PRKG1: variants seen among roughly 807,000 people sequenced by gnomAD.
PRKG1 encodes the protein cGMP-dependent protein kinase 1.
Under a neutral mutation model 88.1 loss-of-function variants are expected in PRKG1, and 35 were observed. The ratio of observed to expected loss-of-function variants is 0.40; its 90% CI spans 0.30 to 0.53. The LOEUF is 0.53. Among genes scored for constraint, PRKG1 ranks in the 20% least tolerant of loss-of-function variants. The pLI is 0.59. For synonymous variants in PRKG1, 303 were observed against 292.5 expected (o/e 1.04, Z -0.37); for missense variants, 540 against 839.8 (o/e 0.64, Z 4.41).
Position 52,072,158 on chromosome 10 carries a change from CTTTTT to C in PRKG1, c.935+9549_935+9553del, listed in dbSNP as rs60576406. 4.3e-4 allele frequency among the ~76,000 whole-genome samples: 17 copies of C among 39,562 alleles called. No individual in the cohort carries two copies. In the Admixed American group the frequency reaches 4.9e-3, roughly 11 times the overall value. The allele number at this position is 39,562 out of a possible 152,430, so 26.0% of individuals were successfully genotyped here. A position where few individuals can be genotyped will look rare whatever the true frequency, so the allele number is the denominator to read the frequency against. On this transcript the variant is annotated intron_variant, in intron 7 of 17. Transcript: ENST00000373980. ...GAGACTCTCAGGGTTTATTGTTTTG[CTTTTT>C]TTTTTTTTTTTTTTTTTTTTTACGT...
chr10:51,882,341 G>A (rs1051195203), intron 4 of PRKG1, among the ~76,000 whole-genome samples: 1 of 152,132 alleles, frequency 6.6e-6, no homozygotes, highest in Admixed American at 6.5e-5. Context: ...TCTCAGACAT[G>A]TCTCATGTGA....
chr10:51,771,521 A>G (rs985791171), intron 3 of PRKG1, among the ~76,000 whole-genome samples: 2 of 152,034 alleles, frequency 1.3e-5, no homozygotes, highest in African/African-American at 4.8e-5. Context: ...CTAATTTCCT[A>G]TCTAATTCTT....
At chr10:51,147,724 C>A (rs1043765515) in intron 1 of PRKG1, among the ~76,000 whole-genome samples, 2 of 152,080 alleles carry the variant, frequency 1.3e-5, no homozygotes, top group African/African-American at 4.8e-5. Flanking sequence ...CCAGTGATTC[C>A]TTTGTTTTGT....
Position 51,581,010 on chromosome 10 carries a change from G to C in PRKG1, c.592+113174G>C, listed in dbSNP as rs115471290. ...AAGATAGTGAAAGCTGGGTCCAGGG[G>C]GGGGTCACTGCCTTCTGGTCCCACG... On this transcript the variant is annotated intron_variant, in intron 3 of 17. Coordinates refer to ENST00000373980, the MANE Select transcript of PRKG1 (RefSeq NM_006258.4). Among the ~76,000 whole-genome samples the C allele has an allele frequency of 4.7e-3, 711 of 152,206 alleles. 7 individuals are homozygous for C. The highest frequency in any genetic ancestry group is 0.016 in the African/African-American group (663 of 41,538).
rs183775576 is a variant in PRKG1 at position 51,611,051 on chromosome 10, A to G, written c.592+143215A>G. On this transcript the variant is annotated intron_variant, in intron 3 of 17. Transcript: ENST00000373980. Reference sequence around the variant, plus strand: ...TCTGCACATGCATCCTGGAACTTACAGTTAAAAAAAAAAAAAGTAGTGCTG... The same window carrying G: ...TCTGCACATGCATCCTGGAACTTACGGTTAAAAAAAAAAAAAGTAGTGCTG... 5.7e-3 allele frequency among the ~76,000 whole-genome samples: 858 copies of G among 150,836 alleles called. 7 individuals carry two copies. Among genetic ancestry groups the G allele is most frequent in the African/African-American group, 0.02 (823 of 40,774 alleles).
chr10:52,214,503 T>C (rs1385787047), intron 9 of PRKG1, among the ~76,000 whole-genome samples: 1 of 152,188 alleles, frequency 6.6e-6, no homozygotes, highest in Admixed American at 6.5e-5. Context: ...TCTCAGACTT[T>C]GGAGCGAGAT....
chr10:52,073,905 G>C, intron 7 of PRKG1, among the ~76,000 whole-genome samples: 1 of 152,248 alleles, frequency 6.6e-6, no homozygotes, highest in South Asian at 2.1e-4. Context: ...GTATGGGAGC[G>C]CCTTAGCATT....
At chr10:51,617,125 G>C (rs1445053528) in intron 3 of PRKG1, among the ~76,000 whole-genome samples, 1 of 152,066 alleles carries the variant, frequency 6.6e-6, no homozygotes, top group Non-Finnish European at 1.5e-5. Context: ...AGGCTCAAGG[G>C]GCTCTCTCAT....
chr10:51,423,998 G>A (rs1370440957), intron 2 of PRKG1, among the ~76,000 whole-genome samples: 3 of 152,082 alleles, frequency 2.0e-5, no homozygotes, highest in African/African-American at 7.2e-5. Context: ...CTGAGACCAT[G>A]CTTTCCAAAA....
chr10:52,061,505 A>C (rs1846234615), intron 6 of PRKG1, among the ~76,000 whole-genome samples: 1 of 152,138 alleles, frequency 6.6e-6, no homozygotes. Context: ...GTGAATTAAC[A>C]CAAAGGTACA....
At chr10:51,196,404 G>C (rs954328069) in intron 2 of PRKG1, among the ~76,000 whole-genome samples, 1 of 152,214 alleles carries the variant, frequency 6.6e-6, no homozygotes, top group African/African-American at 2.4e-5. Flanking sequence ...TTACCACCAT[G>C]TTAGGCAAAA....
At chr10:51,254,307 T>C (rs1185146996) in intron 2 of PRKG1, among the ~76,000 whole-genome samples, 1 of 152,030 alleles carries the variant, frequency 6.6e-6, no homozygotes, top group Non-Finnish European at 1.5e-5. Context: ...CTCGCTCATA[T>C]TGTTATCCAA....
intron 10 of PRKG1, among the ~76,000 whole-genome samples, chr10:52,259,203 A>G (rs1841377453): frequency 6.6e-6 from 1 of 152,018 alleles, no homozygotes; most frequent in South Asian, 2.1e-4. Context: ...TATCTATGAC[A>G]TGAAAGAATG....
chr10:51,778,861 A>G (rs1838510318), intron 3 of PRKG1, among the ~76,000 whole-genome samples: 1 of 152,166 alleles, frequency 6.6e-6, no homozygotes, highest in Non-Finnish European at 1.5e-5. Context: ...TCAGAGAGAA[A>G]TCCCTACATA....
intron 4 of PRKG1, among the ~76,000 whole-genome samples, chr10:51,881,071 A>T (rs1452043965): frequency 2.0e-5 from 3 of 152,042 alleles, no homozygotes; most frequent in Admixed American, 2.0e-4. Flanking sequence ...GGGCCTCTGG[A>T]AGCATAGTTC....
chr10:51,313,907 A>G (rs1841255566), intron 2 of PRKG1, among the ~76,000 whole-genome samples: 1 of 152,174 alleles, frequency 6.6e-6, no homozygotes, highest in Non-Finnish European at 1.5e-5. Flanking sequence ...ATTTCATGAA[A>G]ACATTTTTCT....
chr10:51,172,420 AT>A (rs1202135378), intron 2 of PRKG1, among the ~76,000 whole-genome samples: 1 of 152,054 alleles, frequency 6.6e-6, no homozygotes, highest in East Asian at 1.9e-4. Flanking sequence ...ACAATAAAGT[AT>A]TTTTTAGTAA....
At chr10:52,284,848 G>GT (rs2132453665) in intron 14 of PRKG1, among the ~76,000 whole-genome samples, 1 of 152,194 alleles carries the variant, frequency 6.6e-6, no homozygotes, top group Admixed American at 6.6e-5. Flanking sequence ...GAAGCAGGGA[G>GT]TGAAAAGGGG....
intron 1 of PRKG1, among the ~76,000 whole-genome samples, chr10:51,099,152 G>A (rs1455248977): frequency 6.6e-6 from 1 of 152,154 alleles, no homozygotes; most frequent in South Asian, 2.1e-4. Context: ...TGTTTCTGGG[G>A]ACTTTAATCT....
Sources: gnomAD v4.1 joint callset for allele counts (sites outside exome capture counted in the v4.1 genomes callset) on GRCh38, gnomAD v4.1.1 for gene constraint, MANE v1.5 for transcripts, NCBI Gene and HGNC (gene_info 2026-07-23, HGNC 2026-07-21) for gene names.